Variants in NSF observed in about 807,000 individuals in gnomAD.
NSF encodes the protein vesicle-fusing ATPase.
Under a neutral mutation model 50.3 loss-of-function variants are expected in NSF, and 14 were observed. The observed-to-expected ratio is 0.28, with a 90% CI of 0.18 to 0.44. The LOEUF (loss-of-function observed/expected upper bound fraction) is 0.44, where lower values mean the gene tolerates loss of function less well. NSF is among the 20% of genes least tolerant of loss of function. The pLI, the probability that NSF is intolerant of heterozygous loss-of-function variation, is 1.00. For synonymous variants in NSF, 109 were observed against 175.7 expected (o/e 0.62, Z 3.00); for missense variants, 218 against 504.3 (o/e 0.43, Z 5.44).
At chr17:46,722,144 G>A (rs1010027720) in intron 15 of NSF, 14 of 1,611,814 alleles carry the variant, frequency 8.7e-6, no homozygotes, top group Non-Finnish European at 1.1e-5. Context: ...TGGGCTTCAC[G>A]ATCTTGGCGC....
intron 17 of NSF, among the ~76,000 whole-genome samples, chr17:46,746,917 G>A (rs1392522686): frequency 1.3e-5 from 2 of 152,186 alleles, no homozygotes; most frequent in Non-Finnish European, 2.9e-5. Flanking sequence ...AGGATTAAGT[G>A]GAGGTGTCCC....
At chr17:46,739,053 T>C (rs1391619357) in intron 17 of NSF, among the ~76,000 whole-genome samples, 1 of 150,938 alleles carries the variant, frequency 6.6e-6, no homozygotes, top group South Asian at 2.1e-4. Context: ...CTGGGCAATA[T>C]GGCAAAACCC....
At chr17:46,733,154 T>A (rs1156544636) in intron 17 of NSF, among the ~76,000 whole-genome samples, 2 of 152,232 alleles carry the variant, frequency 1.3e-5, no homozygotes, top group Non-Finnish European at 2.9e-5. Context: ...TTTTACTTGA[T>A]GACACTGGGG....
intron 17 of NSF, among the ~76,000 whole-genome samples, chr17:46,746,538 TG>T (rs1475416094): frequency 8.5e-5 from 13 of 152,140 alleles, no homozygotes; most frequent in African/African-American, 3.1e-4. Context: ...CCAAGATCTG[TG>T]TATAGGTTCA....
intron 2 of NSF, among the ~76,000 whole-genome samples, chr17:46,625,879 T>TAAAAAAA (rs147622864): frequency 3.4e-5 from 2 of 59,036 alleles, no homozygotes; most frequent in Non-Finnish European, 6.2e-5. Context: ...CCACATGTAT[T>TAAAAAAA]AAAAAAAAAA....
chr17:46,714,655 CAAT>C (rs2058751263), intron 15 of NSF, among the ~76,000 whole-genome samples: 1 of 152,200 alleles, frequency 6.6e-6, no homozygotes, highest in South Asian at 2.1e-4. Context: ...CAACAAAAAT[CAAT>C]GATGAAGACT....
intron 15 of NSF, among the ~76,000 whole-genome samples, chr17:46,720,631 T>C (rs1371426252): frequency 6.6e-6 from 1 of 152,220 alleles, no homozygotes; most frequent in African/African-American, 2.4e-5. Flanking sequence ...TTTACGTTTT[T>C]ATATGCTACC....
At chr17:46,730,601 T>C (rs1053935620) in intron 17 of NSF, among the ~76,000 whole-genome samples, 3 of 152,174 alleles carry the variant, frequency 2.0e-5, no homozygotes, top group Admixed American at 2.0e-4. Flanking sequence ...TCTTATGCTT[T>C]TAAATCTCAC....
At chr17:46,676,479 G>A (rs2058410475) in intron 9 of NSF, among the ~76,000 whole-genome samples, 5 of 143,836 alleles carry the variant, frequency 3.5e-5, no homozygotes, top group Admixed American at 2.8e-4. Flanking sequence ...TGATCTGCCC[G>A]CCTTGGCCTC....
At chr17:46,742,001 G>A (rs1406823774) in intron 17 of NSF, among the ~76,000 whole-genome samples, 1 of 152,100 alleles carries the variant, frequency 6.6e-6, no homozygotes, top group Non-Finnish European at 1.5e-5. Flanking sequence ...TGATCCACCC[G>A]CCTCGGCCTC....
intron 17 of NSF, among the ~76,000 whole-genome samples, chr17:46,746,051 T>A (rs1409585291): frequency 6.6e-6 from 1 of 152,240 alleles, no homozygotes; most frequent in African/African-American, 2.4e-5. Context: ...TTCTTCCCTC[T>A]ACCTGACATC....
intron 15 of NSF, among the ~76,000 whole-genome samples, chr17:46,722,366 T>TGAC (rs1337506975): frequency 6.6e-6 from 1 of 152,230 alleles, no homozygotes; most frequent in Non-Finnish European, 1.5e-5. Flanking sequence ...AAGCACTGTG[T>TGAC]GACCTGCTGT....
intron 1 of NSF, among the ~76,000 whole-genome samples, chr17:46,621,093 C>T (rs1419404568): frequency 2.9e-4 from 31 of 105,424 alleles, no homozygotes; most frequent in Admixed American, 1.6e-3. Flanking sequence ...GCAAGACTAT[C>T]TCTCAAAAAA....
chr17:46,621,184 G>A (rs1463820498), intron 1 of NSF, among the ~76,000 whole-genome samples: 1 of 148,588 alleles, frequency 6.7e-6, no homozygotes, highest in African/African-American at 2.6e-5. Context: ...TAACCTCAGT[G>A]ACATCTGAGG....
intron 17 of NSF, among the ~76,000 whole-genome samples, chr17:46,741,375 T>C (rs2059069837): frequency 6.6e-6 from 1 of 152,210 alleles, no homozygotes; most frequent in Non-Finnish European, 1.5e-5. Context: ...AAGGGTTCAG[T>C]TTCTCGTTTC....
intron 17 of NSF, 60 bp from the exon 18 acceptor site, chr17:46,749,713 C>G: frequency 6.9e-7 from 1 of 1,459,736 alleles, no homozygotes; most frequent in Non-Finnish European, 9.2e-7. Flanking sequence ...TTCAAGCTTA[C>G]TGTAGTTTCC....
intron 15 of NSF, among the ~76,000 whole-genome samples, chr17:46,715,218 C>T (rs1398174141): frequency 6.6e-6 from 1 of 152,182 alleles, no homozygotes; most frequent in Non-Finnish European, 1.5e-5. Flanking sequence ...GCAAAAAGAA[C>T]TTATAATATC....
chr17:46,713,126 A>G, intron 14 of NSF: 1 of 152,224 alleles, frequency 6.6e-6, no homozygotes, highest in Admixed American at 6.5e-5. Flanking sequence ...GAGGGGTATG[A>G]TGTTCAGAAA....
rs1363688925 is a variant in NSF at position 46,635,814 on chromosome 17, TGTGTGCTC to T, written c.239-1556_239-1549del. On this transcript the variant is annotated intron_variant, in intron 4 of 20. Transcript: ENST00000398238. ...GTGTGTGTGTGTGTGTGTGTGTGTG[TGTGTGCTC>T]GTGTGTGAAGCCTTATTGAAGAGTA... Among the ~76,000 whole-genome samples the T allele has an allele frequency of 5.2e-3, 734 of 142,002 alleles. 93 individuals carry two copies. The highest frequency in any genetic ancestry group is 8.1e-3 in the Non-Finnish European group (511 of 62,884). 93.2% of individuals were successfully genotyped at this position (142,002 alleles called of 152,430 possible).
Sources: allele counts gnomAD v4.1 joint callset (sites outside exome capture counted in the v4.1 genomes callset), GRCh38; gene constraint gnomAD v4.1.1; transcripts MANE v1.5; gene names NCBI Gene and HGNC (gene_info 2026-07-23, HGNC 2026-07-21).